Variants in HNRNPM observed in about 807,000 individuals in gnomAD.
HNRNPM encodes the protein heterogeneous nuclear ribonucleoprotein M, also known as CEA receptor.
In HNRNPM, 11 loss-of-function variants were observed where a neutral mutation model predicts 73.1. The ratio of observed to expected loss-of-function variants is 0.15; its 90% CI spans 0.09 to 0.25. The LOEUF (loss-of-function observed/expected upper bound fraction) is 0.25, where lower values mean the gene tolerates loss of function less well. Among genes scored for constraint, HNRNPM ranks in the 10% least tolerant of loss-of-function variants. The pLI, the probability that HNRNPM is intolerant of heterozygous loss-of-function variation, is 1.00. For missense variants in HNRNPM, 789 were observed against 1,067.9 expected, an observed-to-expected ratio of 0.74 and a Z score of 3.64; for synonymous variants, 407 against 355.2, an observed-to-expected ratio of 1.15 and a Z score of -1.64.
Position 8,489,078 on chromosome 19 carries a change from G to A in HNRNPM, c.*224G>A, listed in dbSNP as rs145786589. 4.3e-6 allele frequency: 2 copies of A among 468,130 alleles called. No homozygotes were observed. The highest frequency in any genetic ancestry group is 7.7e-6 in the Non-Finnish European group (2 of 259,132). 29.0% of individuals were successfully genotyped at this position (468,130 alleles called of 1,614,324 possible). On this transcript the variant is annotated 3_prime_UTR_variant, in exon 16 of 16. Transcript: ENST00000325495. ...GTAGTTGTGGCATCTTGTTGACATC[G>A]AATATGACTTTGATAATAAATACCG...
At chr19:8,475,483 A>G (rs909963016) in intron 12 of HNRNPM, among the ~76,000 whole-genome samples, 1 of 152,242 alleles carries the variant, frequency 6.6e-6, no homozygotes, top group African/African-American at 2.4e-5. Context: ...AAAGGATGTG[A>G]AAATGGTACA....
chr19:8,448,760 G>A (rs1052435350), intron 1 of HNRNPM, among the ~76,000 whole-genome samples: 5 of 151,094 alleles, frequency 3.3e-5, no homozygotes, highest in African/African-American at 1.2e-4. Flanking sequence ...TGGGATTATA[G>A]GCGTGAGCTA....
intron 3 of HNRNPM, 142 bp from the exon 4 acceptor site, chr19:8,463,355 A>T: frequency 1.1e-6 from 1 of 932,616 alleles, no homozygotes; most frequent in Non-Finnish European, 1.7e-6. Context: ...GCTTCCCCTT[A>T]GAAGGGTTCA....
At chr19:8,476,575 AAAAAGAG>A (rs1461720402) in intron 12 of HNRNPM, among the ~76,000 whole-genome samples, 9 of 42,736 alleles carry the variant, frequency 2.1e-4, no homozygotes, top group Non-Finnish European at 9.7e-4. Context: ...TTAAAAAAAA[AAAAAGAG>A]AGATTGTTAA....
intron 1 of HNRNPM, among the ~76,000 whole-genome samples, chr19:8,453,904 A>T (rs928663376): frequency 2.6e-5 from 4 of 152,190 alleles, no homozygotes; most frequent in African/African-American, 9.7e-5. Flanking sequence ...GGCACCTAGC[A>T]CACAAAGGTA....
chr19:8,482,755 G>T, intron 12 of HNRNPM: 1 of 161,346 alleles, frequency 6.2e-6, no homozygotes, highest in Non-Finnish European at 1.3e-5. Flanking sequence ...TGGGGGTGGG[G>T]GCTTACTTTC....
chr19:8,487,111 C>T (rs781232699), intron 15 of HNRNPM, 36 bp downstream of exon 15: 9 of 1,582,330 alleles, frequency 5.7e-6, no homozygotes, highest in African/African-American at 2.7e-5. Flanking sequence ...GTGCTTCCCT[C>T]GTGCTTGTTG....
At chr19:8,475,555 G>T (rs78144971) in intron 12 of HNRNPM, among the ~76,000 whole-genome samples, 4 of 152,116 alleles carry the variant, frequency 2.6e-5, no homozygotes, top group Non-Finnish European at 5.9e-5. Context: ...CCCTTCTTCC[G>T]GTGCACAGGG....
At chr19:8,473,555 G>T in intron 10 of HNRNPM, 109 bp from the exon 11 acceptor site, 1 of 719,420 alleles carries the variant, frequency 1.4e-6, no homozygotes, top group Non-Finnish European at 2.5e-6. Context: ...CTTGTCATCA[G>T]GGATTTTCTT....
At chr19:8,459,302 T>C (rs1028633292) in intron 2 of HNRNPM, among the ~76,000 whole-genome samples, 1 of 152,248 alleles carries the variant, frequency 6.6e-6, no homozygotes, top group African/African-American at 2.4e-5. Context: ...CCTGTCTGGC[T>C]TACCCCGTGT....
chr19:8,455,330 C>A, intron 1 of HNRNPM, 75 bp from the exon 2 acceptor site: 2 of 1,294,692 alleles, frequency 1.5e-6, no homozygotes, highest in Non-Finnish European at 2.2e-6. Flanking sequence ...GTAAACCTGG[C>A]AAATCAAATA....
chr19:8,471,610 A>AT (rs1970144361), intron 10 of HNRNPM, among the ~76,000 whole-genome samples, 183 bp downstream of exon 10: 3 of 152,294 alleles, frequency 2.0e-5, no homozygotes, highest in Non-Finnish European at 2.9e-5. Context: ...AAGTTGAGTC[A>AT]TTTTTTAAAA....
At chr19:8,465,873 C>T (rs1803738358) in intron 6 of HNRNPM, among the ~76,000 whole-genome samples, 2 of 152,104 alleles carry the variant, frequency 1.3e-5, no homozygotes, top group South Asian at 4.1e-4. Flanking sequence ...ATGATAATAC[C>T]TCCACCATCT....
intron 2 of HNRNPM, among the ~76,000 whole-genome samples, chr19:8,459,072 CCCA>C (rs1427015420): frequency 6.6e-6 from 1 of 152,122 alleles, no homozygotes; most frequent in Non-Finnish European, 1.5e-5. Context: ...GGATTAGGCA[CCCA>C]CCACCACGCC....
intron 15 of HNRNPM, 119 bp from the exon 16 acceptor site, chr19:8,488,572 C>T (rs564980582): frequency 2.1e-5 from 17 of 815,862 alleles, no homozygotes; most frequent in Admixed American, 1.7e-4. Flanking sequence ...CATTGGTTCT[C>T]GCCATTGTAT....
chr19:8,451,186 CGT>C (rs1968595892), intron 1 of HNRNPM, among the ~76,000 whole-genome samples: 1 of 151,618 alleles, frequency 6.6e-6, no homozygotes, highest in Non-Finnish European at 1.5e-5. Flanking sequence ...GGATTACAGA[CGT>C]GAGCCACCGT....
At position 8,467,583 on chromosome 19, in the gene HNRNPM, T is replaced by G. The variant is rs1309024378; in HGVS notation, c.833T>G (p.Met278Arg). The change falls in exon 8 of 16, where the codon ATG becomes AGG. Residue 278 changes from methionine to arginine, a missense_variant and splice_region_variant. Met to Arg is a moderately conservative substitution (Grantham distance 91, BLOSUM62 -1). Coordinates refer to ENST00000325495, the MANE Select transcript of HNRNPM (RefSeq NM_005968.5). ...LLFDRPMHVK[M>R]DERALPKGDF... ...TTTGATAGACCAATGCACGTCAAGATGGTAAGTCAGTAGGATCTTTCTCTG... is the reference window on the plus strand; with the variant it reads ...TTTGATAGACCAATGCACGTCAAGAGGGTAAGTCAGTAGGATCTTTCTCTG... 6.2e-7 allele frequency: 1 copy of G among 1,607,838 alleles called. No individual in the cohort carries two copies. Among genetic ancestry groups the G allele is most frequent in the Non-Finnish European group, 8.5e-7 (1 of 1,174,434 alleles).
At position 8,472,599 on chromosome 19, in the gene HNRNPM, A is replaced by G. The variant is rs114932307; in HGVS notation, c.998-1065A>G. Among the ~76,000 whole-genome samples the G allele has an allele frequency of 5.6e-3, 859 of 152,236 alleles. 7 individuals are homozygous for G. Among genetic ancestry groups the G allele is most frequent in the African/African-American group, 0.02 (825 of 41,546 alleles). ...CTTTAACAGGGATTGATTTATTGAG[A>G]CGGAATTTTGCTCTTGTTGCCCAGG... On this transcript the variant is annotated intron_variant, in intron 10 of 15. Transcript: ENST00000325495.
rs865783835 is a variant in HNRNPM at position 8,462,402 on chromosome 19, G to A, written c.284-127G>A. ...CCTAGTTCGGTGGTTTAGAGAATAT[G>A]GAGTGTTTCTGGGCTTTCTTATAAG... On this transcript the variant is annotated intron_variant, in intron 2 of 15. Coordinates refer to ENST00000325495, the MANE Select transcript of HNRNPM (RefSeq NM_005968.5). This position sits in a 1 kb window ranked among gnomAD's most constrained non-coding sequence, Gnocchi z 4.5. 39 of 788,970 alleles carry A rather than the reference G, an allele frequency of 4.9e-5. No individual in the cohort carries two copies. The highest frequency in any genetic ancestry group is 4.6e-4 in the Middle Eastern group (2 of 4,342). 48.9% of individuals were successfully genotyped at this position (788,970 alleles called of 1,614,324 possible). A position where few individuals can be genotyped will look rare whatever the true frequency, so the allele number is the denominator to read the frequency against.
Sources: gnomAD v4.1 joint callset for allele counts (sites outside exome capture counted in the v4.1 genomes callset) on GRCh38, gnomAD v4.1.1 for gene constraint, Gnocchi (gnomAD v3.1) non-coding constraint, MANE v1.5 for transcripts, NCBI Gene and HGNC (gene_info 2026-07-23, HGNC 2026-07-21) for gene names.